CA1: variants seen among roughly 807,000 people sequenced by gnomAD.
CA1 encodes carbonic anhydrase 1.
Under a neutral mutation model 28.8 loss-of-function variants are expected in CA1, and 27 were observed. The ratio of observed to expected loss-of-function variants is 0.94; its 90% CI spans 0.69 to 1.29. The LOEUF (loss-of-function observed/expected upper bound fraction) is 1.29, where lower values mean the gene tolerates loss of function less well. Ranked by LOEUF, CA1 falls within the 50% of genes most tolerant of loss-of-function variation. CA1 has a pLI of 0.00. For missense variants in CA1, 335 were observed against 310.5 expected, an observed-to-expected ratio of 1.08 and a Z score of -0.59; for synonymous variants, 121 against 108.8, an observed-to-expected ratio of 1.11 and a Z score of -0.70.
chr8:85,341,733 G>T, intron 1 of CA1, 74 bp from the exon 2 acceptor site: 1 of 834,408 alleles, frequency 1.2e-6, no homozygotes, highest in African/African-American at 1.7e-5. Flanking sequence ...TCCCTGCTTG[G>T]GCGTTTTTAT....
chr8:85,354,692 C>G (rs75920443), intron 1 of CA1, among the ~76,000 whole-genome samples: 1 of 152,122 alleles, frequency 6.6e-6, no homozygotes, highest in South Asian at 2.1e-4. Context: ...GGTGGCGAGG[C>G]AGGAGCAGTC....
intron 1 of CA1, among the ~76,000 whole-genome samples, chr8:85,373,266 C>A (rs966682162): frequency 5.9e-5 from 9 of 152,184 alleles, no homozygotes; most frequent in African/African-American, 2.2e-4. Context: ...TTGATAACCA[C>A]CAGTTGCACC....
chr8:85,327,922 G>A lies in CA1; in HGVS notation c.*638C>T, dbSNP rs1329885390. 2 of 152,128 alleles carry A rather than the reference G, an allele frequency of 1.3e-5. No homozygotes were observed. Among genetic ancestry groups the A allele is most frequent in the African/African-American group, 2.4e-5 (1 of 41,408 alleles). 9.4% of individuals were successfully genotyped at this position (152,128 alleles called of 1,614,324 possible). A position where few individuals can be genotyped will look rare whatever the true frequency, so the allele number is the denominator to read the frequency against. On this transcript the variant is annotated 3_prime_UTR_variant, in exon 8 of 8. Coordinates refer to ENST00000523022, the MANE Select transcript of CA1 (RefSeq NM_001128831.4). ...GCAGAGAAGCATTGTCCTTGCTAAC[G>A]TGGGGAGAAGAAGTGAAAGCAATAT...
At position 85,338,465 on chromosome 8, in the gene CA1, C is replaced by T. The variant is rs1004045961; in HGVS notation, c.38-16G>A. 4 of 1,607,102 alleles carry T rather than the reference C, an allele frequency of 2.5e-6. No individual in the cohort carries two copies. Among genetic ancestry groups the T allele is most frequent in the South Asian group, 2.2e-5 (2 of 90,930 alleles). ...TGTTCAGGACCTACCAGGACAAACA[C>T]GTGTAAAATCAATGTCTTATCAAAT... is the stretch of plus-strand genomic sequence containing the variant. On this transcript the variant is annotated splice_polypyrimidine_tract_variant and intron_variant, in intron 2 of 7. Transcript: ENST00000523022.
chr8:85,365,559 A>G (rs1178395055), intron 1 of CA1, among the ~76,000 whole-genome samples: 4 of 152,230 alleles, frequency 2.6e-5, no homozygotes, highest in Admixed American at 2.6e-4. Flanking sequence ...TTGCTTTAAA[A>G]TGAGCATTTG....
intron 1 of CA1, chr8:85,342,703 A>T (rs1808976767): frequency 6.6e-6 from 1 of 152,246 alleles, no homozygotes; most frequent in South Asian, 2.1e-4. Context: ...ACATGTTCAA[A>T]GCTCTAAACA....
At chr8:85,375,846 G>C (rs180852723) in intron 1 of CA1, among the ~76,000 whole-genome samples, 1 of 152,290 alleles carries the variant, frequency 6.6e-6, no homozygotes, top group East Asian at 1.9e-4. Context: ...CTGAGATACA[G>C]TATTCAGTAG....
chr8:85,330,032 A>C (rs1385727636), intron 6 of CA1, among the ~76,000 whole-genome samples, 188 bp from the exon 7 acceptor site: 2 of 151,868 alleles, frequency 1.3e-5, no homozygotes, highest in Non-Finnish European at 2.9e-5. Flanking sequence ...TCAACAGAAG[A>C]AAAAAAGATG....
intron 6 of CA1, 90 bp from the exon 7 acceptor site, chr8:85,329,934 A>G (rs1808334391): frequency 1.8e-6 from 2 of 1,101,572 alleles, no homozygotes; most frequent in Non-Finnish European, 2.7e-6. Context: ...CTTGTTATAC[A>G]TTATTTAGAG....
intron 1 of CA1, among the ~76,000 whole-genome samples, chr8:85,372,498 G>A (rs1585972505): frequency 6.7e-6 from 1 of 149,566 alleles, no homozygotes; most frequent in South Asian, 2.2e-4. Flanking sequence ...GAGAACAGGG[G>A]ATTCTACAGA....
At chr8:85,351,971 A>G (rs1809428813) in intron 1 of CA1, among the ~76,000 whole-genome samples, 1 of 152,208 alleles carries the variant, frequency 6.6e-6, no homozygotes, top group African/African-American at 2.4e-5. Context: ...TTCCAACACA[A>G]CTTAATCCCT....
intron 2 of CA1, chr8:85,341,392 G>GTATA: frequency 2.1e-6 from 1 of 473,718 alleles, no homozygotes; most frequent in Non-Finnish European, 3.8e-6. Context: ...AGGTATGCCT[G>GTATA]TATATATATA....
At chr8:85,349,224 T>G (rs945774787) in intron 1 of CA1, among the ~76,000 whole-genome samples, 2 of 152,214 alleles carry the variant, frequency 1.3e-5, no homozygotes, top group Non-Finnish European at 2.9e-5. Context: ...TTTACTCACA[T>G]GATCTTAATT....
intron 2 of CA1, among the ~76,000 whole-genome samples, chr8:85,338,936 G>A (rs1290680826): frequency 3.3e-5 from 5 of 151,564 alleles, no homozygotes; most frequent in Non-Finnish European, 7.4e-5. Flanking sequence ...GGCTTGTCTC[G>A]AACTCCTGAC....
chr8:85,374,533 G>T (rs1458945876), intron 1 of CA1, among the ~76,000 whole-genome samples: 1 of 152,140 alleles, frequency 6.6e-6, no homozygotes, highest in African/African-American at 2.4e-5. Flanking sequence ...ATATGATGTG[G>T]TTTTAATCGT....
intron 1 of CA1, among the ~76,000 whole-genome samples, chr8:85,375,806 C>A (rs1810393596): frequency 6.6e-6 from 1 of 152,116 alleles, no homozygotes; most frequent in African/African-American, 2.4e-5. Context: ...AGCTATAGAT[C>A]ATGAGCTTGA....
At position 85,341,580 on chromosome 8, in the gene CA1, T is replaced by A. The variant is rs1212790935; in HGVS notation, c.37+19A>T. ...GAACAAGTTATCATTTTGATCTATA[T>A]AAACAGGAGAACTCTTACCATTTTT... On this transcript the variant is annotated intron_variant, in intron 2 of 7. Coordinates refer to ENST00000523022, the MANE Select transcript of CA1 (RefSeq NM_001128831.4). 1 of 1,466,084 alleles carries A rather than the reference T, an allele frequency of 6.8e-7. No individual in the cohort carries two copies. Among genetic ancestry groups the A allele is most frequent in the Non-Finnish European group, 9.6e-7 (1 of 1,045,106 alleles). The allele number at this position is 1,466,084 out of a possible 1,614,324, so 90.8% of individuals were successfully genotyped here. A position where few individuals can be genotyped will look rare whatever the true frequency, so the allele number is the denominator to read the frequency against.
rs570146968 is a variant in CA1 at position 85,339,934 on chromosome 8, C to T, written c.38-1485G>A. The stretch of plus-strand genomic sequence containing the variant: ...TGCAGAAGAAAAGTTAGAAGCTAGT[C>T]GAGGTTGGTTTATGAGATTTAAAGA... On this transcript the variant is annotated intron_variant, in intron 2 of 7. Coordinates refer to ENST00000523022, the MANE Select transcript of CA1 (RefSeq NM_001128831.4). 6.1e-4 allele frequency among the ~76,000 whole-genome samples: 93 copies of T among 152,176 alleles called. 1 individual carries two copies. Among genetic ancestry groups the T allele is most frequent in the South Asian group, 3.3e-3 (16 of 4,820 alleles).
intron 1 of CA1, chr8:85,343,302 T>TA (rs1034354124): frequency 1.3e-5 from 2 of 152,154 alleles, no homozygotes; most frequent in Non-Finnish European, 2.9e-5. Context: ...TCCTCAGAGT[T>TA]ACAAAACTTG....
Sources: gnomAD v4.1 joint callset for allele counts (sites outside exome capture counted in the v4.1 genomes callset) on GRCh38, gnomAD v4.1.1 for gene constraint, MANE v1.5 for transcripts, NCBI Gene and HGNC (gene_info 2026-07-23, HGNC 2026-07-21) for gene names.